Variants in WDR25 observed in about 807,000 individuals in gnomAD.
WDR25 encodes the protein WD repeat-containing protein 25.
Under a neutral mutation model 47.7 loss-of-function variants are expected in WDR25, and 35 were observed. The ratio of observed to expected loss-of-function variants is 0.73; its 90% CI spans 0.56 to 0.97. The LOEUF is 0.97. Ranked by LOEUF, WDR25 falls within the 50% of genes least tolerant of loss-of-function variation. The probability of loss-of-function intolerance (pLI) is 0.00; values close to 1 mark genes in which losing one functional copy is unlikely to be tolerated. For synonymous variants in WDR25, 248 were observed against 278.9 expected, an observed-to-expected ratio of 0.89 and a Z score of 1.10; for missense variants, 634 against 704.7, an observed-to-expected ratio of 0.90 and a Z score of 1.14.
At chr14:100,507,040 A>T (rs1901133898) in intron 4 of WDR25, among the ~76,000 whole-genome samples, 1 of 152,144 alleles carries the variant, frequency 6.6e-6, no homozygotes, top group Admixed American at 6.5e-5. Flanking sequence ...TAGGATTCTT[A>T]AAGTTTGAGG....
intron 2 of WDR25, among the ~76,000 whole-genome samples, chr14:100,418,635 C>CAA (rs71113266): frequency 0.04 from 5,231 of 129,256 alleles, 253 homozygotes; most frequent in African/African-American, 0.14. Context: ...GACTCCGTCT[C>CAA]AAAAAAAAAA....
intron 3 of WDR25, among the ~76,000 whole-genome samples, chr14:100,472,619 A>T (rs1375204455): frequency 2.0e-5 from 3 of 152,052 alleles, no homozygotes; most frequent in African/African-American, 7.2e-5. Context: ...CCACTTTTCG[A>T]TCATCATCCA....
At chr14:100,438,844 G>A (rs2140243178) in intron 2 of WDR25, among the ~76,000 whole-genome samples, 1 of 152,342 alleles carries the variant, frequency 6.6e-6, no homozygotes, top group East Asian at 1.9e-4. Context: ...GCTCAGAGAG[G>A]TACAGTGATA....
chr14:100,376,798 G>C (rs1896695978), intron 1 of WDR25: 1 of 1,179,820 alleles, frequency 8.5e-7, no homozygotes, highest in African/African-American at 1.6e-5. Flanking sequence ...CCAGCATAGG[G>C]CTTGACAAAG....
In WDR25 at chr14:100,430,887, G is replaced by A. The variant is rs1017505029; in HGVS notation, c.823-37134G>A. ...TGGGTCATTTCATCCACCAACTCCT[G>A]CGGTGCCAGAGGTGTCCTCTGGCCT... is the stretch of plus-strand genomic sequence containing the variant. On this transcript the variant is annotated intron_variant, in intron 2 of 6. Transcript: ENST00000402312. The surrounding 1 kb of genome is among the most constrained non-coding windows in gnomAD (Gnocchi z 4.7). 3.9e-5 allele frequency among the ~76,000 whole-genome samples: 6 copies of A among 152,192 alleles called. No homozygotes were observed. The highest frequency in any genetic ancestry group is 1.4e-4 in the African/African-American group (6 of 41,454).
At chr14:100,448,470 G>A (rs1898913173) in intron 2 of WDR25, among the ~76,000 whole-genome samples, 1 of 152,146 alleles carries the variant, frequency 6.6e-6, no homozygotes, top group South Asian at 2.1e-4. Context: ...AGAAGCACAT[G>A]CATGCTGGCC....
At chr14:100,453,506 G>A (rs986034224) in intron 2 of WDR25, among the ~76,000 whole-genome samples, 1 of 152,248 alleles carries the variant, frequency 6.6e-6, no homozygotes, top group African/African-American at 2.4e-5. Flanking sequence ...GTGGCATGTA[G>A]TAACATGCTC....
At chr14:100,457,793 T>C (rs749053267) in intron 2 of WDR25, among the ~76,000 whole-genome samples, 1 of 152,168 alleles carries the variant, frequency 6.6e-6, no homozygotes, top group Non-Finnish European at 1.5e-5. Context: ...GCACAAAGGC[T>C]AGGATGGAGG....
chr14:100,481,572 G>A (rs2140316116), intron 3 of WDR25, among the ~76,000 whole-genome samples: 1 of 151,978 alleles, frequency 6.6e-6, no homozygotes, highest in African/African-American at 2.4e-5. Flanking sequence ...TCCATACATG[G>A]GGGGTTAGTT....
intron 3 of WDR25, among the ~76,000 whole-genome samples, chr14:100,478,260 C>T (rs1900084836): frequency 6.6e-6 from 1 of 152,200 alleles, no homozygotes; most frequent in Non-Finnish European, 1.5e-5. Context: ...AGGCTTCATG[C>T]ACCGCGTTAC....
At position 100,525,950 on chromosome 14, in the gene WDR25, C is replaced by T. The variant is rs777934487; in HGVS notation, c.1182C>T (p.Ser394=). The change falls in exon 5 of 7, where the codon AGC becomes AGT. Residue 394 remains serine, a synonymous_variant. Coordinates refer to ENST00000402312, the MANE Select transcript of WDR25 (RefSeq NM_001161476.3). The surrounding 1 kb of genome is among the most constrained non-coding windows in gnomAD (Gnocchi z 4.6). ...GGGAAGGCTCCGAGTTCCTGAGCAG[C>T]ACAGACGCTTCCACCCGGGACTCAG... ...FLREGSEFLS[S]TDASTRDSAD... is the part of the protein sequence containing the mutation. 13 of 1,613,944 alleles carry T rather than the reference C, an allele frequency of 8.1e-6. No homozygotes were observed. Among genetic ancestry groups the T allele is most frequent in the Non-Finnish European group, 2.5e-6 (3 of 1,179,984 alleles).
intron 2 of WDR25, among the ~76,000 whole-genome samples, chr14:100,393,557 C>T (rs928292522): frequency 3.3e-5 from 5 of 152,080 alleles, no homozygotes; most frequent in Admixed American, 3.3e-4. Context: ...GAGGTGTATT[C>T]GGGTTTGCTC....
In WDR25 at chr14:100,497,081, A is replaced by C. The variant is rs1900756582; in HGVS notation, c.1101+12957A>C. Among the ~76,000 whole-genome samples the C allele has an allele frequency of 4.6e-5, 7 of 151,956 alleles. No individual in the cohort carries two copies. In the South Asian group the frequency reaches 1.5e-3, roughly 32 times the overall value. On this transcript the variant is annotated intron_variant, in intron 4 of 6. Transcript: ENST00000402312. ...GCTTTCTATCATTAATTTCTAGTTT[A>C]ATCCTGTTGTAGTCAGAAAACATAC...
Position 100,477,329 on chromosome 14 carries a change from A to AT in WDR25, c.971-6660dup, listed in dbSNP as rs555551352. 3.9e-5 allele frequency among the ~76,000 whole-genome samples: 6 copies of AT among 152,284 alleles called. No individual in the cohort carries two copies. The South Asian group carries it at 1.2e-3, about 32-fold the overall frequency. On this transcript the variant is annotated intron_variant, in intron 3 of 6. Coordinates refer to ENST00000402312, the MANE Select transcript of WDR25 (RefSeq NM_001161476.3). ...TATTGATTCAAGGAGAAAATAAGTG[A>AT]TTTTTCCTAGCTCCAAGAAGATCCA...
intron 3 of WDR25, among the ~76,000 whole-genome samples, chr14:100,481,771 A>T (rs1320972752): frequency 6.6e-6 from 1 of 152,166 alleles, no homozygotes; most frequent in Non-Finnish European, 1.5e-5. Flanking sequence ...TGGTTGTGGT[A>T]GTCCTGTTTT....
rs966383032 is a variant in WDR25 at position 100,425,106 on chromosome 14, G to C, written c.823-42915G>C. On this transcript the variant is annotated intron_variant, in intron 2 of 6. Coordinates refer to ENST00000402312, the MANE Select transcript of WDR25 (RefSeq NM_001161476.3). This position sits in a 1 kb window ranked among gnomAD's most constrained non-coding sequence, Gnocchi z 4.8. ...CCCTGCCTCCCCTTCATGCCCCCAG[G>C]CAGCCAGGATTTTTCTAAAAACTGT... Among the ~76,000 whole-genome samples the C allele has an allele frequency of 1.2e-4, 18 of 152,300 alleles. No homozygotes were observed. Among genetic ancestry groups the C allele is most frequent in the African/African-American group, 4.1e-4 (17 of 41,570 alleles).
intron 2 of WDR25, among the ~76,000 whole-genome samples, chr14:100,390,424 T>TGTGTGTGTGTGTGTGTGTGTGC (rs1490326358): frequency 6.9e-6 from 1 of 144,716 alleles, no homozygotes. Context: ...TGTGTGTGTG[T>TGTGTGTGTGTGTGTGTGTGTGC]GTGCATGCAC....
intron 1 of WDR25, among the ~76,000 whole-genome samples, chr14:100,377,274 T>C (rs1159251423): frequency 7.3e-6 from 1 of 136,434 alleles, no homozygotes; most frequent in Non-Finnish European, 1.6e-5. Context: ...GGAGATGAGC[T>C]GGCTGGCTGG....
intron 4 of WDR25, among the ~76,000 whole-genome samples, chr14:100,491,592 T>G (rs1015159729): frequency 1.3e-5 from 2 of 152,274 alleles, no homozygotes; most frequent in African/African-American, 4.8e-5. Context: ...GAGGTTCGTG[T>G]AAGCGCATGA....
Sources: allele counts gnomAD v4.1 joint callset (sites outside exome capture counted in the v4.1 genomes callset), GRCh38; gene constraint gnomAD v4.1.1; non-coding constraint Gnocchi (gnomAD v3.1); transcripts MANE v1.5; gene names NCBI Gene and HGNC (gene_info 2026-07-23, HGNC 2026-07-21).